PRUNE2: variants seen among roughly 807,000 people sequenced by gnomAD.
PRUNE2 encodes protein prune homolog 2.
In PRUNE2, 164 loss-of-function variants were observed where a neutral mutation model predicts 252.0. That is an observed-to-expected ratio of 0.65 (90% confidence interval 0.57 to 0.74). The LOEUF (loss-of-function observed/expected upper bound fraction) is 0.74. Among genes scored for constraint, PRUNE2 ranks in the 30% least tolerant of loss-of-function variants. The probability of loss-of-function intolerance (pLI) is 0.00; values close to 1 mark genes in which losing one functional copy is unlikely to be tolerated. For missense variants in PRUNE2, 3,495 were observed against 3,711.0 expected (o/e 0.94, Z 1.51); for synonymous variants, 1,292 against 1,350.2 (o/e 0.96, Z 0.94).
chr9:76,682,362 C>T (rs1588552028), intron 9 of PRUNE2, among the ~76,000 whole-genome samples: 2 of 136,110 alleles, frequency 1.5e-5, no homozygotes, highest in Non-Finnish European at 3.1e-5. Flanking sequence ...TCACTATTAA[C>T]TTTTTTTTTT....
intron 9 of PRUNE2, among the ~76,000 whole-genome samples, chr9:76,686,321 T>C (rs551920730): frequency 6.6e-6 from 1 of 152,198 alleles, no homozygotes; most frequent in Non-Finnish European, 1.5e-5. Context: ...TACTGGAAAA[T>C]AAACATAACA....
rs186424809 is a variant in PRUNE2 at position 76,656,893 on chromosome 9, C to T, written c.8277-1391G>A. Among the ~76,000 whole-genome samples the T allele has an allele frequency of 2.6e-3, 396 of 152,240 alleles. 2 individuals carry two copies. Among genetic ancestry groups the T allele is most frequent in the Non-Finnish European group, 3.5e-3 (235 of 68,032 alleles). On this transcript the variant is annotated intron_variant, in intron 9 of 18. Transcript: ENST00000376718. ...TGTTCTCTAAAACTAGACCTGTGCCCTGGTAGCAAAGGGGCATGCAAGAGG... is the reference window on the plus strand; with the variant it reads ...TGTTCTCTAAAACTAGACCTGTGCCTTGGTAGCAAAGGGGCATGCAAGAGG...
intron 9 of PRUNE2, among the ~76,000 whole-genome samples, chr9:76,678,624 T>TA (rs1320898993): frequency 1.3e-5 from 2 of 152,118 alleles, no homozygotes; most frequent in East Asian, 3.9e-4. Flanking sequence ...GGTCAGGAGA[T>TA]AGAGACCATC....
chr9:76,886,355 C>T (rs2062098380), intron 1 of PRUNE2, among the ~76,000 whole-genome samples: 1 of 152,162 alleles, frequency 6.6e-6, no homozygotes, highest in South Asian at 2.1e-4. Flanking sequence ...AATTCCACGA[C>T]CCTTGTTCTT....
intron 6 of PRUNE2, among the ~76,000 whole-genome samples, chr9:76,720,931 C>T (rs986734840): frequency 6.6e-6 from 1 of 152,070 alleles, no homozygotes; most frequent in Non-Finnish European, 1.5e-5. Context: ...GAAACCCCAT[C>T]TCCACTAAAA....
At position 76,613,926 on chromosome 9, in the gene PRUNE2, A is replaced by C. The variant is rs1406395506; in HGVS notation, c.*644T>G. ...CATTCATCAGGAAAATGATGTTAAA[A>C]GACCAATTTACATAAAATATAATGC... On this transcript the variant is annotated 3_prime_UTR_variant, in exon 19 of 19. Transcript: ENST00000376718. The C allele has an allele frequency of 2.0e-5, 3 of 152,248 alleles. No individual in the cohort carries two copies. Among genetic ancestry groups the C allele is most frequent in the African/African-American group, 7.2e-5 (3 of 41,458 alleles). The allele number at this position is 152,248 out of a possible 1,614,324, so 9.4% of individuals were successfully genotyped here.
chr9:76,886,064 T>TA (rs1287207083), intron 1 of PRUNE2, among the ~76,000 whole-genome samples: 1 of 151,740 alleles, frequency 6.6e-6, no homozygotes, highest in Non-Finnish European at 1.5e-5. Flanking sequence ...CACACACCTG[T>TA]AGTCCCAGCT....
chr9:76,663,533 A>G (rs1282131169), intron 9 of PRUNE2, among the ~76,000 whole-genome samples: 1 of 151,976 alleles, frequency 6.6e-6, no homozygotes, highest in East Asian at 1.9e-4. Context: ...GCAGGGAGCA[A>G]AAAAATCACT....
rs1212956323 is a variant in PRUNE2 at position 76,706,997 on chromosome 9, A to G, written c.5277T>C (p.Asn1759=). The change falls in exon 8 of 19, where the codon AAT becomes AAC. Residue 1759 remains asparagine, a synonymous_variant. Coordinates refer to ENST00000376718, the MANE Select transcript of PRUNE2 (RefSeq NM_015225.3). ...NENKSNPFCD[N]QQSSPDPWTF... ...TCCAGGGATCAGGGCTGCTTTGTTG[A>G]TTGTCACAGAATGGGTTTGACTTAT... 6.2e-7 allele frequency: 1 copy of G among 1,613,794 alleles called. No individual in the cohort carries two copies. The highest frequency in any genetic ancestry group is 8.5e-7 in the Non-Finnish European group (1 of 1,179,870).
At chr9:76,695,946 G>A (rs939589433) in intron 9 of PRUNE2, among the ~76,000 whole-genome samples, 3 of 152,140 alleles carry the variant, frequency 2.0e-5, no homozygotes, top group African/African-American at 7.2e-5. Flanking sequence ...AAGGCAGAGA[G>A]ATGGAGCAGA....
intron 6 of PRUNE2, among the ~76,000 whole-genome samples, chr9:76,733,163 C>T (rs1196255752): frequency 6.6e-6 from 1 of 152,072 alleles, no homozygotes; most frequent in Non-Finnish European, 1.5e-5. Context: ...CAGTACTCAG[C>T]CTCCCCCAGT....
Position 76,710,804 on chromosome 9 carries a change from G to C in PRUNE2, c.1470C>G (p.His490Gln). ...EHAWSGEHGE[H>Q]FDLFNFDPAP... The stretch of plus-strand genomic sequence containing the variant: ...CTGGGTCAAAATTGAAGAGGTCGAA[G>C]TGCTCACCGTGTTCTCCAGACCATG... Residue 490 changes from histidine (H) to glutamine (Q), a missense_variant, in exon 8 of 19, where the codon CAC becomes CAG. Transcript: ENST00000376718. The C allele has an allele frequency of 6.3e-7, 1 of 1,576,428 alleles. No homozygotes were observed. Among genetic ancestry groups the C allele is most frequent in the Non-Finnish European group, 8.6e-7 (1 of 1,162,948 alleles).
intron 1 of PRUNE2, among the ~76,000 whole-genome samples, chr9:76,854,472 C>T (rs1047209192): frequency 6.6e-6 from 1 of 152,122 alleles, no homozygotes; most frequent in Non-Finnish European, 1.5e-5. Context: ...TTCATATGAA[C>T]TGTATCTCTG....
chr9:76,892,603 T>C (rs1373085380), intron 1 of PRUNE2, among the ~76,000 whole-genome samples: 1 of 152,208 alleles, frequency 6.6e-6, no homozygotes, highest in Non-Finnish European at 1.5e-5. Flanking sequence ...GAATACTATG[T>C]AATAACTTAG....
chr9:76,803,533 T>C (rs368267126), intron 6 of PRUNE2, among the ~76,000 whole-genome samples: 1 of 152,294 alleles, frequency 6.6e-6, no homozygotes, highest in African/African-American at 2.4e-5. Flanking sequence ...GGCATTTCAG[T>C]TCACAATAGG....
chr9:76,760,368 C>T (rs1401992174), intron 6 of PRUNE2, among the ~76,000 whole-genome samples: 1 of 152,200 alleles, frequency 6.6e-6, no homozygotes, highest in Non-Finnish European at 1.5e-5. Flanking sequence ...TTCCTCATCA[C>T]CTAGGGCAGA....
At chr9:76,890,850 C>T (rs1291768568) in intron 1 of PRUNE2, among the ~76,000 whole-genome samples, 1 of 152,230 alleles carries the variant, frequency 6.6e-6, no homozygotes, top group Non-Finnish European at 1.5e-5. Context: ...CTAACCTTGA[C>T]TTCCAGCTGC....
rs762038526 is a variant in PRUNE2, at chr9:76,706,499, A to C, written c.5775T>G (p.Leu1925=). The C allele has an allele frequency of 4.3e-6, 7 of 1,613,826 alleles. No individual in the cohort carries two copies. In the African/African-American group the frequency reaches 6.7e-5, roughly 15 times the overall value. The change falls in exon 8 of 19, where the codon CTT becomes CTG. Residue 1925 remains leucine, a synonymous_variant. Coordinates refer to ENST00000376718, the MANE Select transcript of PRUNE2 (RefSeq NM_015225.3). The part of the protein sequence containing the change: ...PDPDADKFSQ[L]VKLDQIKEKD... ...TTTCTTTAATTTGGTCTAATTTTAC[A>C]AGCTGGCTGAACTTGTCAGCATCTG...
At chr9:76,844,027 C>T (rs58087888) in intron 4 of PRUNE2, among the ~76,000 whole-genome samples, 12,912 of 152,248 alleles carry the variant, frequency 0.085, 695 homozygotes, top group East Asian at 0.15. Context: ...CACGCCCAGC[C>T]TACTTGATTT....
Sources: gnomAD v4.1 joint callset for allele counts (sites outside exome capture counted in the v4.1 genomes callset) on GRCh38, gnomAD v4.1.1 for gene constraint, MANE v1.5 for transcripts, NCBI Gene and HGNC (gene_info 2026-07-23, HGNC 2026-07-21) for gene names.